TSPAN12: variants seen among roughly 807,000 people sequenced by gnomAD.
The protein encoded by TSPAN12 is tetraspanin-12.
A neutral mutation model predicts 39.2 loss-of-function variants in TSPAN12; 19 were observed. The observed-to-expected ratio is 0.49, with a 90% CI of 0.34 to 0.71. The LOEUF (loss-of-function observed/expected upper bound fraction) is 0.71, where lower values mean the gene tolerates loss of function less well. Among genes scored for constraint, TSPAN12 ranks in the 30% least tolerant of loss-of-function variants. The pLI is 0.01. For missense variants in TSPAN12, 314 were observed against 359.9 expected, an observed-to-expected ratio of 0.87 and a Z score of 1.03; for synonymous variants, 119 against 124.8, an observed-to-expected ratio of 0.95 and a Z score of 0.31.
At chr7:120,827,890 ACCCT>A (rs1403857107) in intron 4 of TSPAN12, among the ~76,000 whole-genome samples, 3 of 152,284 alleles carry the variant, frequency 2.0e-5, no homozygotes, top group African/African-American at 7.2e-5. Context: ...TAATGTTGTA[ACCCT>A]CAGCAAGGTC....
chr7:120,848,723 G>A (rs527853899), intron 2 of TSPAN12, among the ~76,000 whole-genome samples: 4 of 152,208 alleles, frequency 2.6e-5, no homozygotes, highest in African/African-American at 7.2e-5. Context: ...TTACTCTATA[G>A]TAAACAAGCA....
chr7:120,853,254 C>T (rs550535828), intron 2 of TSPAN12, among the ~76,000 whole-genome samples: 8 of 151,776 alleles, frequency 5.3e-5, no homozygotes, highest in Non-Finnish European at 7.4e-5. Flanking sequence ...CCACGACACC[C>T]GGCTAATTTT....
rs144555887 is a variant in TSPAN12, at chr7:120,808,543, T to C, written c.469-1851A>G. On this transcript the variant is annotated intron_variant, in intron 6 of 7. Transcript: ENST00000222747. Reference sequence around the variant, plus strand: ...TTTACATATGAGTAAACTGAGGCCTTTGACAGTCAAGTAGCTTGCTAAAGT... The same window carrying C: ...TTTACATATGAGTAAACTGAGGCCTCTGACAGTCAAGTAGCTTGCTAAAGT... Among the ~76,000 whole-genome samples, 173 of 152,268 alleles carry C rather than the reference T, an allele frequency of 1.1e-3. 3 individuals carry two copies. In the East Asian group the frequency reaches 0.019, roughly 16 times the overall value.
chr7:120,788,962 G>C (rs1250516548), intron 7 of TSPAN12, 65 bp from the exon 8 acceptor site: 8 of 1,509,304 alleles, frequency 5.3e-6, no homozygotes, highest in Non-Finnish European at 7.3e-6. Flanking sequence ...AATAGTTAAT[G>C]AAAGCAAACA....
At chr7:120,837,565 G>A (rs1352502942) in intron 4 of TSPAN12, among the ~76,000 whole-genome samples, 1 of 152,102 alleles carries the variant, frequency 6.6e-6, no homozygotes, top group African/African-American at 2.4e-5. Flanking sequence ...GCCTGCCTCG[G>A]CCTCCCAAAG....
At chr7:120,850,909 C>G (rs1405214787) in intron 2 of TSPAN12, among the ~76,000 whole-genome samples, 1 of 152,046 alleles carries the variant, frequency 6.6e-6, no homozygotes, top group Non-Finnish European at 1.5e-5. Flanking sequence ...AGCCTGGTCT[C>G]GAACTCCTGA....
At chr7:120,838,980 A>G (rs1562951063) in intron 3 of TSPAN12, 68 bp from the exon 4 acceptor site, 1 of 1,501,504 alleles carries the variant, frequency 6.7e-7, no homozygotes, top group Non-Finnish European at 9.2e-7. Flanking sequence ...ATAGCAGAAG[A>G]CACAACTGTG....
intron 7 of TSPAN12, among the ~76,000 whole-genome samples, chr7:120,802,906 CA>C (rs1793801463): frequency 6.6e-6 from 1 of 152,116 alleles, no homozygotes; most frequent in Non-Finnish European, 1.5e-5. Context: ...ATTATTGGGT[CA>C]GGGACCATGC....
chr7:120,857,918 A>C lies in TSPAN12; in HGVS notation c.-169T>G, dbSNP rs935463879. On this transcript the variant is annotated 5_prime_UTR_variant, in exon 1 of 8. Transcript: ENST00000222747. ...AGGGAACTTCTTCGCGGAGAGCCGGAGGGCTGCATTGGCTTCAGCTGGAGA... is the reference window on the plus strand; with the variant it reads ...AGGGAACTTCTTCGCGGAGAGCCGGCGGGCTGCATTGGCTTCAGCTGGAGA... 1 of 151,434 alleles carries C rather than the reference A, an allele frequency of 6.6e-6. No individual in the cohort carries two copies. The highest frequency in any genetic ancestry group is 1.5e-5 in the Non-Finnish European group (1 of 68,102). The allele number at this position is 151,434 out of a possible 1,614,324, so 9.4% of individuals were successfully genotyped here. A position where few individuals can be genotyped will look rare whatever the true frequency, so the allele number is the denominator to read the frequency against.
chr7:120,851,500 A>G (rs187346553), intron 2 of TSPAN12, among the ~76,000 whole-genome samples: 4 of 152,252 alleles, frequency 2.6e-5, no homozygotes, highest in African/African-American at 9.6e-5. Context: ...ACAAACACAT[A>G]TTTGATGAAT....
At chr7:120,814,316 A>C in intron 5 of TSPAN12, 1 of 454,598 alleles carries the variant, frequency 2.2e-6, no homozygotes, top group Non-Finnish European at 4.4e-6. Flanking sequence ...TTGAAGATGC[A>C]CCAGGGAACT....
At chr7:120,799,535 T>TATATATAATTAATTATATATAATC (rs1793705623) in intron 7 of TSPAN12, among the ~76,000 whole-genome samples, 1 of 108,028 alleles carries the variant, frequency 9.3e-6, no homozygotes, top group Admixed American at 1.1e-4. Context: ...TATATATAAT[T>TATATATAATTAATTATATATAATC]ATATATAATT....
rs1426025725 is a variant in TSPAN12, at chr7:120,788,585, T to G, written c.*7A>C. 2 of 1,614,000 alleles carry G rather than the reference T, an allele frequency of 1.2e-6. No homozygotes were observed. Among genetic ancestry groups the G allele is most frequent in the African/African-American group, 1.3e-5 (1 of 74,928 alleles). ...AAGTTTGTGGTTTTCTTCTGTGACA[T>G]TTCTTTTTATAACTCCTCCATCTCA... On this transcript the variant is annotated 3_prime_UTR_variant, in exon 8 of 8. Coordinates refer to ENST00000222747, the MANE Select transcript of TSPAN12 (RefSeq NM_012338.4).
At chr7:120,843,152 A>G (rs1357212489) in intron 2 of TSPAN12, among the ~76,000 whole-genome samples, 1 of 152,202 alleles carries the variant, frequency 6.6e-6, no homozygotes, top group Non-Finnish European at 1.5e-5. Context: ...GAATTAGGCC[A>G]GTTATTATTA....
At chr7:120,853,683 G>C (rs866420061) in intron 2 of TSPAN12, among the ~76,000 whole-genome samples, 1 of 150,596 alleles carries the variant, frequency 6.6e-6, no homozygotes, top group Middle Eastern at 3.2e-3. Flanking sequence ...GACTAGCCTG[G>C]CCAATATGAT....
At chr7:120,819,750 G>GAT (rs1794153483) in intron 4 of TSPAN12, among the ~76,000 whole-genome samples, 2 of 151,986 alleles carry the variant, frequency 1.3e-5, no homozygotes, top group African/African-American at 4.8e-5. Flanking sequence ...CTTAATACAG[G>GAT]ATAAAGAGAC....
Position 120,847,245 on chromosome 7 carries a change from AAAC to A in TSPAN12, c.67-7139_67-7137del, listed in dbSNP as rs1350605070. On this transcript the variant is annotated intron_variant, in intron 2 of 7. Transcript: ENST00000222747. ...AAGAGCTATATGACAAAAAAAAAAA[AAAC>A]AAAAAACCAGAGTGAGACTCTCATA... Among the ~76,000 whole-genome samples, 692 of 151,306 alleles carry A rather than the reference AAAC, an allele frequency of 4.6e-3. 11 individuals carry two copies. Among genetic ancestry groups the A allele is most frequent in the African/African-American group, 0.016 (654 of 40,824 alleles).
chr7:120,819,309 A>C (rs1399581564), intron 4 of TSPAN12, among the ~76,000 whole-genome samples: 2 of 152,062 alleles, frequency 1.3e-5, no homozygotes, highest in South Asian at 2.1e-4. Flanking sequence ...ATCGTACTTG[A>C]ATATTCTCTC....
At chr7:120,832,377 T>G (rs1432250141) in intron 4 of TSPAN12, among the ~76,000 whole-genome samples, 1 of 152,100 alleles carries the variant, frequency 6.6e-6, no homozygotes, top group Non-Finnish European at 1.5e-5. Context: ...TAACTTCATT[T>G]TCTTCTCACT....
Sources: allele counts gnomAD v4.1 joint callset (sites outside exome capture counted in the v4.1 genomes callset), GRCh38; gene constraint gnomAD v4.1.1; transcripts MANE v1.5; gene names NCBI Gene and HGNC (gene_info 2026-07-23, HGNC 2026-07-21).